The following CPS1 variants were observed in gnomAD, a reference collection of about 807,000 sequenced individuals.
CPS1 encodes carbamoyl-phosphate synthase [ammonia], mitochondrial.
A neutral mutation model predicts 174.6 loss-of-function variants in CPS1; 109 were observed. The ratio of observed to expected loss-of-function variants is 0.62; its 90% CI spans 0.53 to 0.73. The LOEUF is 0.73. CPS1 is among the 30% of genes least tolerant of loss of function. The pLI is 0.00. For synonymous variants in CPS1, 637 were observed against 632.0 expected (o/e 1.01, Z -0.12); for missense variants, 1,689 against 1,821.9 (o/e 0.93, Z 1.33).
intron 1 of CPS1, among the ~76,000 whole-genome samples, chr2:210,548,126 T>C (rs1238671999): frequency 1.3e-5 from 2 of 152,044 alleles, no homozygotes; most frequent in Admixed American, 1.3e-4. Context: ...TTTTTCTGAG[T>C]TATATATTTT....
chr2:210,659,266 G>T (rs187534757), intron 31 of CPS1, among the ~76,000 whole-genome samples: 1 of 152,246 alleles, frequency 6.6e-6, no homozygotes, highest in African/African-American at 2.4e-5. Context: ...AATCTGGTAA[G>T]GGTCTCAGGC....
intron 29 of CPS1, among the ~76,000 whole-genome samples, chr2:210,655,156 T>A (rs1700666408): frequency 6.6e-6 from 1 of 152,200 alleles, no homozygotes; most frequent in South Asian, 2.1e-4. Flanking sequence ...TTTCTGAGTT[T>A]CAGAGCAAAA....
intron 24 of CPS1, among the ~76,000 whole-genome samples, chr2:210,642,053 A>T (rs1700242645): frequency 6.6e-6 from 1 of 152,200 alleles, no homozygotes; most frequent in African/African-American, 2.4e-5. Flanking sequence ...CAGCCCTCAG[A>T]CAGCAGATTA....
chr2:210,605,194 T>C lies in CPS1; in HGVS notation c.1929T>C (p.Asn643=), dbSNP rs367848165. The C allele has an allele frequency of 1.9e-5, 30 of 1,612,136 alleles. No individual in the cohort carries two copies. Among genetic ancestry groups the C allele is most frequent in the African/African-American group, 5.3e-5 (4 of 74,770 alleles). The change falls in exon 17 of 38, where the codon AAT becomes AAC. Residue 643 remains asparagine, a synonymous_variant. Coordinates refer to ENST00000233072, the MANE Select transcript of CPS1 (RefSeq NM_001875.5). ...AAGTGGTTCGAGATGCTGATGACAATTGTGTCACTGTCTGTAACATGGAAA... is the reference window on the plus strand; with the variant it reads ...AAGTGGTTCGAGATGCTGATGACAACTGTGTCACTGTCTGTAACATGGAAA... The part of the protein sequence containing the change: ...EYEVVRDADD[N]CVTVCNMENV...
chr2:210,637,603 G>A (rs888445696), intron 21 of CPS1, 99 bp from the exon 22 acceptor site: 111 of 1,230,624 alleles, frequency 9.0e-5, no homozygotes, highest in Non-Finnish European at 1.2e-4. Flanking sequence ...GTTTGAAGGT[G>A]GAAAATAAGA....
At chr2:210,600,253 C>T (rs1227509134) in intron 14 of CPS1, among the ~76,000 whole-genome samples, 1 of 151,638 alleles carries the variant, frequency 6.6e-6, no homozygotes, top group Admixed American at 6.6e-5. Flanking sequence ...TAGAAATGGA[C>T]TTTAGGAGGA....
chr2:210,529,423 T>G (rs1187559390), intron 1 of CPS1, among the ~76,000 whole-genome samples: 1 of 152,030 alleles, frequency 6.6e-6, no homozygotes, highest in Non-Finnish European at 1.5e-5. Context: ...AGAGTCAACC[T>G]GCACCATTTG....
chr2:210,606,893 T>G lies in CPS1; in HGVS notation c.2144T>G (p.Val715Gly). The part of the protein sequence containing the change: ...PTSMEYCIIE[V>G]NARLSRSSAL... Reference sequence around the variant, plus strand: ...TCAATGGAATACTGCATCATTGAAGTGAATGCCAGACTGTCCCGAAGCTCT... The same window carrying G: ...TCAATGGAATACTGCATCATTGAAGGGAATGCCAGACTGTCCCGAAGCTCT... The change falls in exon 18 of 38, where the codon GTG becomes GGG. Residue 715 changes from valine to glycine, a missense_variant. Transcript: ENST00000233072. 6.2e-7 allele frequency: 1 copy of G among 1,612,590 alleles called. No homozygotes were observed. The highest frequency in any genetic ancestry group is 8.5e-7 in the Non-Finnish European group (1 of 1,179,074).
chr2:210,590,693 A>T, intron 8 of CPS1, 107 bp from the exon 9 acceptor site: 1 of 811,648 alleles, frequency 1.2e-6, no homozygotes, highest in Non-Finnish European at 2.1e-6. Flanking sequence ...TTCAGTTACT[A>T]TTCTCTTTAC....
chr2:210,480,358 T>C (rs1435253913), intron 1 of CPS1, among the ~76,000 whole-genome samples: 1 of 152,228 alleles, frequency 6.6e-6, no homozygotes, highest in Non-Finnish European at 1.5e-5. Flanking sequence ...GCTGAACAGC[T>C]ATGTGTTCAG....
rs71043997 is a variant in CPS1, at chr2:210,571,855, TTGTGTGTGTGTG to T, written c.127-1399_127-1388del. 9.1e-3 allele frequency among the ~76,000 whole-genome samples: 1,268 copies of T among 139,694 alleles called. 12 individuals are homozygous for T. The highest frequency in any genetic ancestry group is 0.033 in the Middle Eastern group (9 of 274). 91.6% of individuals were successfully genotyped at this position (139,694 alleles called of 152,430 possible). ...TGGAGTTCCTGCTGCCTACTAAAGT[TTGTGTGTGTGTG>T]TGTGTGTGTGTGTGTGTGTGTGTGT... On this transcript the variant is annotated intron_variant, in intron 1 of 37. Coordinates refer to ENST00000233072, the MANE Select transcript of CPS1 (RefSeq NM_001875.5).
chr2:210,507,051 G>A (rs1280525342), intron 1 of CPS1, among the ~76,000 whole-genome samples: 1 of 152,098 alleles, frequency 6.6e-6, no homozygotes, highest in East Asian at 1.9e-4. Flanking sequence ...TCCTCAAGAA[G>A]AGCAACTCCA....
At chr2:210,637,515 T>C (rs1422883166) in intron 21 of CPS1, among the ~76,000 whole-genome samples, 187 bp from the exon 22 acceptor site, 1 of 152,136 alleles carries the variant, frequency 6.6e-6, no homozygotes, top group Non-Finnish European at 1.5e-5. Context: ...GCTTTGCAAA[T>C]AGAAGACTTC....
chr2:210,608,621 A>C, intron 19 of CPS1, 62 bp downstream of exon 19: 1 of 1,530,766 alleles, frequency 6.5e-7, no homozygotes, highest in East Asian at 2.3e-5. Context: ...AATTTGTGAC[A>C]CCATTGACAG....
Position 210,588,313 on chromosome 2 carries a change from A to G in CPS1, c.711+166A>G, listed in dbSNP as rs78980076. ...AAAATAACACATTTATCCCTGTTCA[A>G]ATTAAAAATATAGACTGCTATGTTT... On this transcript the variant is annotated intron_variant, in intron 7 of 37. Transcript: ENST00000233072. 0.014 allele frequency among the ~76,000 whole-genome samples: 2,146 copies of G among 152,084 alleles called. 44 individuals carry two copies. The highest frequency in any genetic ancestry group is 0.049 in the African/African-American group (2,024 of 41,502).
chr2:210,609,516 A>G (rs1699034953), intron 19 of CPS1, among the ~76,000 whole-genome samples: 2 of 151,980 alleles, frequency 1.3e-5, no homozygotes, highest in Non-Finnish European at 2.9e-5. Flanking sequence ...AATAAATGTA[A>G]TCCATCATTA....
chr2:210,635,191 C>A (rs1355218009), intron 21 of CPS1, among the ~76,000 whole-genome samples: 12 of 152,170 alleles, frequency 7.9e-5, no homozygotes, highest in Admixed American at 7.9e-4. Flanking sequence ...GATTCACCCT[C>A]CTCAGCCTCC....
upstream of CPS1, among the ~76,000 whole-genome samples, chr2:210,556,017 C>G (rs1696902373): frequency 6.6e-6 from 1 of 151,918 alleles, no homozygotes; most frequent in Non-Finnish European, 1.5e-5. Flanking sequence ...TTGTGTTTTA[C>G]TTGATATTAC....
At chr2:210,540,135 T>A (rs1196838680) in intron 1 of CPS1, among the ~76,000 whole-genome samples, 1 of 152,080 alleles carries the variant, frequency 6.6e-6, no homozygotes, top group African/African-American at 2.4e-5. Flanking sequence ...GTTAAAGCAG[T>A]TTAAGAATTT....
Sources: gnomAD v4.1 joint callset for allele counts (sites outside exome capture counted in the v4.1 genomes callset) on GRCh38, gnomAD v4.1.1 for gene constraint, MANE v1.5 for transcripts, NCBI Gene and HGNC (gene_info 2026-07-23, HGNC 2026-07-21) for gene names.